The following ARHGEF28 variants were observed in gnomAD, a reference collection of about 807,000 sequenced individuals.
The protein encoded by ARHGEF28 is 190 kDa guanine nucleotide exchange factor.
Under a neutral mutation model 206.6 loss-of-function variants are expected in ARHGEF28, and 152 were observed. The ratio of observed to expected loss-of-function variants is 0.74; its 90% CI spans 0.64 to 0.84. The LOEUF (loss-of-function observed/expected upper bound fraction) is 0.84, where lower values mean the gene tolerates loss of function less well. Among genes scored for constraint, ARHGEF28 ranks in the 40% least tolerant of loss-of-function variants. The pLI is 0.00. For synonymous variants in ARHGEF28, 763 were observed against 776.4 expected, an observed-to-expected ratio of 0.98 and a Z score of 0.29; for missense variants, 2,028 against 2,073.2, an observed-to-expected ratio of 0.98 and a Z score of 0.42.
Position 73,749,850 on chromosome 5 carries a change from T to C in ARHGEF28, c.47T>C (p.Ile16Thr), listed in dbSNP as rs1475698856. The change falls in exon 3 of 36, where the codon ATC becomes ACC. Residue 16 changes from isoleucine (I) to threonine (T), a missense_variant. Ile to Thr is a moderately conservative substitution (Grantham distance 89). Transcript: ENST00000513042. ...SEAPLYGQMM[I>T]YAKFDKNVYL... Reference sequence around the variant, plus strand: ...TTCCTTTTTCAGGGGCAGATGATGATCTATGCGAAGTTTGACAAAAATGTG... The same window carrying C: ...TTCCTTTTTCAGGGGCAGATGATGACCTATGCGAAGTTTGACAAAAATGTG... 5 of 1,613,876 alleles carry C rather than the reference T, an allele frequency of 3.1e-6. No homozygotes were observed. In the African/African-American group the frequency reaches 5.3e-5, roughly 17 times the overall value.
intron 17 of ARHGEF28, among the ~76,000 whole-genome samples, chr5:73,865,196 C>A (rs1330101448): frequency 1.3e-5 from 2 of 152,224 alleles, no homozygotes; most frequent in African/African-American, 2.4e-5. Context: ...GCAAGCCTCA[C>A]AGTCACTGGA....
chr5:73,703,740 A>G (rs1276251120), intron 2 of ARHGEF28, among the ~76,000 whole-genome samples: 5 of 151,944 alleles, frequency 3.3e-5, no homozygotes, highest in Non-Finnish European at 7.4e-5. Flanking sequence ...CTTGGTTGGT[A>G]TAGAAGATAA....
rs767543458 is a variant in ARHGEF28, at chr5:73,749,982, C to A, written c.179C>A (p.Pro60Gln). The change falls in exon 3 of 36, where the codon CCA becomes CAA. Residue 60 changes from proline (P) to glutamine (Q), a missense_variant and splice_region_variant. Pro to Gln is a moderately conservative substitution (Grantham distance 76, BLOSUM62 -1). Coordinates refer to ENST00000513042, the MANE Select transcript of ARHGEF28 (RefSeq NM_001177693.2). ...GATAACGTTCTCCAGTCCAGCGTCC[C>A]AGGTGAGGTGTCCTCTTTGTTGTGC... is the stretch of plus-strand genomic sequence containing the variant. ...IEDNVLQSSV[P>Q]GHGLQETVTV... is the part of the protein sequence containing the mutation. 1.2e-6 allele frequency: 2 copies of A among 1,613,768 alleles called. No homozygotes were observed. The highest frequency in any genetic ancestry group is 8.5e-7 in the Non-Finnish European group (1 of 1,179,830).
rs1486990214 is a variant in ARHGEF28, at chr5:73,893,295, T to C, written c.3658+7T>C. ...AAAATTCAGCAATGTCAAGGTACAG[T>C]GCAGGCACTTCTGGCTCCCTGGTCG... On this transcript the variant is annotated splice_region_variant and intron_variant, in intron 28 of 35. Transcript: ENST00000513042. 14 of 1,538,530 alleles carry C rather than the reference T, an allele frequency of 9.1e-6. No homozygotes were observed. The highest frequency in any genetic ancestry group is 1.1e-5 in the Non-Finnish European group (12 of 1,141,312).
At chr5:73,704,644 C>T (rs531723471) in intron 2 of ARHGEF28, among the ~76,000 whole-genome samples, 2 of 152,244 alleles carry the variant, frequency 1.3e-5, no homozygotes, top group South Asian at 2.1e-4. Flanking sequence ...AGGCTGGTCT[C>T]AAACTCCTGA....
At chr5:73,871,364 T>C (rs1474480173) in intron 21 of ARHGEF28, among the ~76,000 whole-genome samples, 2 of 152,104 alleles carry the variant, frequency 1.3e-5, no homozygotes, top group Admixed American at 6.5e-5. Context: ...TAGCATAGAG[T>C]AGGCACTAAA....
At chr5:73,894,796 G>T (rs1308160646) in intron 29 of ARHGEF28, among the ~76,000 whole-genome samples, 1 of 152,226 alleles carries the variant, frequency 6.6e-6, no homozygotes, top group Non-Finnish European at 1.5e-5. Context: ...GGATAAGGGA[G>T]AGAGAGGGTG....
intron 14 of ARHGEF28, among the ~76,000 whole-genome samples, chr5:73,854,786 C>T (rs543250872): frequency 3.3e-5 from 5 of 151,892 alleles, no homozygotes; most frequent in Non-Finnish European, 5.9e-5. Flanking sequence ...GAGCCGAGAT[C>T]GTGCCACAGC....
chr5:73,800,209 A>G (rs1425973634), intron 9 of ARHGEF28, among the ~76,000 whole-genome samples: 1 of 152,182 alleles, frequency 6.6e-6, no homozygotes, highest in Admixed American at 6.5e-5. Context: ...TGAAAACAAG[A>G]TAATTCGTGT....
chr5:73,626,513 G>C (rs1216950312), intron 1 of ARHGEF28, among the ~76,000 whole-genome samples, 191 bp downstream of exon 1: 1 of 151,996 alleles, frequency 6.6e-6, no homozygotes, highest in Non-Finnish European at 1.5e-5. Flanking sequence ...CCGCTCCCTC[G>C]GGAGCGGCAA....
chr5:73,745,581 C>A (rs554409977), intron 2 of ARHGEF28, among the ~76,000 whole-genome samples: 1 of 151,942 alleles, frequency 6.6e-6, no homozygotes, highest in Non-Finnish European at 1.5e-5. Context: ...TTACCTGATT[C>A]TTTGTGTGTA....
At chr5:73,769,479 C>G (rs1052400780) in intron 4 of ARHGEF28, among the ~76,000 whole-genome samples, 5 of 152,132 alleles carry the variant, frequency 3.3e-5, no homozygotes, top group Non-Finnish European at 4.4e-5. Context: ...TATTTTGTGA[C>G]TTGATTTTTC....
rs1207456451 is a variant in ARHGEF28 at position 73,904,149 on chromosome 5, A to C, written c.4075-73A>C. 5 of 1,466,638 alleles carry C rather than the reference A, an allele frequency of 3.4e-6. No homozygotes were observed. The East Asian group carries it at 9.1e-5, about 27-fold the overall frequency. 90.9% of individuals were successfully genotyped at this position (1,466,638 alleles called of 1,614,324 possible). ...CAAAGTGATTTACCCAAGGTCATACATTTTGGGACACTGCAGGGCAGCTTT... is the reference window on the plus strand; with the variant it reads ...CAAAGTGATTTACCCAAGGTCATACCTTTTGGGACACTGCAGGGCAGCTTT... On this transcript the variant is annotated intron_variant, in intron 31 of 35. Coordinates refer to ENST00000513042, the MANE Select transcript of ARHGEF28 (RefSeq NM_001177693.2).
At position 73,808,904 on chromosome 5, in the gene ARHGEF28, A is replaced by C. The variant is rs1755670595; in HGVS notation, c.1024+13513A>C. 2.6e-5 allele frequency among the ~76,000 whole-genome samples: 4 copies of C among 152,062 alleles called. No homozygotes were observed. In the South Asian group the frequency reaches 8.3e-4, roughly 32 times the overall value. ...TAGTTTTCTTGGAACTTCCTTGCAC[A>C]TTGCCATGTCTCAGTTTTAAAAATC... On this transcript the variant is annotated intron_variant, in intron 9 of 35. Coordinates refer to ENST00000513042, the MANE Select transcript of ARHGEF28 (RefSeq NM_001177693.2).
chr5:73,862,623 G>A (rs552958329), intron 16 of ARHGEF28, among the ~76,000 whole-genome samples: 2 of 152,136 alleles, frequency 1.3e-5, no homozygotes, highest in South Asian at 4.1e-4. Flanking sequence ...TAAGGCTGTG[G>A]AAGGCTAATA....
chr5:73,856,703 A>G (rs1360217635), intron 14 of ARHGEF28, among the ~76,000 whole-genome samples: 1 of 152,162 alleles, frequency 6.6e-6, no homozygotes, highest in Non-Finnish European at 1.5e-5. Context: ...GGTGTAAATC[A>G]GTGATTTTAT....
chr5:73,742,588 G>T (rs1438918779), intron 2 of ARHGEF28, among the ~76,000 whole-genome samples: 1 of 151,562 alleles, frequency 6.6e-6, no homozygotes, highest in Non-Finnish European at 1.5e-5. Context: ...ACTTTGGGAG[G>T]CCGAGGCGGG....
chr5:73,684,909 A>G (rs769579114), intron 2 of ARHGEF28, 25 bp downstream of exon 2: 16 of 1,610,014 alleles, frequency 9.9e-6, no homozygotes, highest in Non-Finnish European at 1.3e-5. Context: ...ACGGGGCTTC[A>G]GGTCCAAGGG....
intron 1 of ARHGEF28, among the ~76,000 whole-genome samples, chr5:73,649,867 G>A (rs1744688799): frequency 6.6e-6 from 1 of 152,170 alleles, no homozygotes; most frequent in Non-Finnish European, 1.5e-5. Flanking sequence ...TGGTGGGCGA[G>A]CCCTTCGTCC....
Sources: allele counts gnomAD v4.1 joint callset (sites outside exome capture counted in the v4.1 genomes callset), GRCh38; gene constraint gnomAD v4.1.1; transcripts MANE v1.5; gene names NCBI Gene and HGNC (gene_info 2026-07-23, HGNC 2026-07-21).